The following RRAS2 variants were observed in gnomAD, a reference collection of about 807,000 sequenced individuals.
RRAS2 encodes RAS related 2, also known as ras-related protein R-Ras2.
In RRAS2, 7 loss-of-function variants were observed where a neutral mutation model predicts 27.6. That is an observed-to-expected ratio of 0.25 (90% confidence interval 0.14 to 0.48). The LOEUF (loss-of-function observed/expected upper bound fraction) is 0.48, where lower values mean the gene tolerates loss of function less well. Ranked by LOEUF, RRAS2 falls within the 20% of genes least tolerant of loss-of-function variation. The pLI is 0.99. For synonymous variants in RRAS2, 86 were observed against 90.9 expected (o/e 0.95, Z 0.31); for missense variants, 178 against 256.2 (o/e 0.69, Z 2.08).
At chr11:14,362,639 A>G (rs1215834698), upstream of RRAS2, among the ~76,000 whole-genome samples, 2 of 152,250 alleles carry the variant, frequency 1.3e-5, no homozygotes, top group South Asian at 4.1e-4. Flanking sequence ...ATGAAAAAGA[A>G]TGATCTAGAA....
At chr11:14,307,437 A>G (rs1564963885) in intron 1 of RRAS2, among the ~76,000 whole-genome samples, 2 of 152,062 alleles carry the variant, frequency 1.3e-5, no homozygotes, top group Non-Finnish European at 2.9e-5. Context: ...CCCAGGCTGG[A>G]GAGCAGTGGT....
At chr11:14,331,846 C>T (rs1174394727) in intron 1 of RRAS2, among the ~76,000 whole-genome samples, 3 of 152,082 alleles carry the variant, frequency 2.0e-5, no homozygotes, top group Non-Finnish European at 4.4e-5. Context: ...CTTTACAACT[C>T]AGTAACACAA....
rs1472351923 is a variant in RRAS2 at position 14,359,182 on chromosome 11, C to G, written c.-312G>C. On this transcript the variant is annotated 5_prime_UTR_variant, in exon 1 of 6. Transcript: ENST00000256196. ...CTCCAGCGCCGCCACAAATGGCCGTCTGGGGGCCGGGCTGCCAGGCTGAGG... is the reference window on the plus strand; with the variant it reads ...CTCCAGCGCCGCCACAAATGGCCGTGTGGGGGCCGGGCTGCCAGGCTGAGG... The G allele has an allele frequency of 3.1e-6, 3 of 980,282 alleles. No homozygotes were observed. Among genetic ancestry groups the G allele is most frequent in the East Asian group, 1.2e-4 (1 of 8,040 alleles). The allele number at this position is 980,282 out of a possible 1,614,324, so 60.7% of individuals were successfully genotyped here. A position where few individuals can be genotyped will look rare whatever the true frequency, so the allele number is the denominator to read the frequency against.
At chr11:14,316,534 G>A (rs1215648425) in intron 1 of RRAS2, among the ~76,000 whole-genome samples, 1 of 152,194 alleles carries the variant, frequency 6.6e-6, no homozygotes, top group Admixed American at 6.5e-5. Context: ...GAGCCCAGGA[G>A]TTCAAGACTG....
At chr11:14,317,799 C>T (rs1258034000) in intron 1 of RRAS2, among the ~76,000 whole-genome samples, 1 of 152,162 alleles carries the variant, frequency 6.6e-6, no homozygotes, top group African/African-American at 2.4e-5. Flanking sequence ...AGCACAGTGG[C>T]TCATACCTGT....
At position 14,359,095 on chromosome 11, in the gene RRAS2, G is replaced by T; in HGVS notation, c.-225C>A. On this transcript the variant is annotated 5_prime_UTR_variant, in exon 1 of 6. Transcript: ENST00000256196. ...GAAGCGGGGTGACGGCACGGGCCAGGGGCGGCAGCGGCCGGGGGGCGCGCT... is the reference window on the plus strand; with the variant it reads ...GAAGCGGGGTGACGGCACGGGCCAGTGGCGGCAGCGGCCGGGGGGCGCGCT... 1 of 1,072,940 alleles carries T rather than the reference G, an allele frequency of 9.3e-7. No homozygotes were observed. The highest frequency in any genetic ancestry group is 1.1e-6 in the Non-Finnish European group (1 of 887,260). The allele number at this position is 1,072,940 out of a possible 1,614,324, so 66.5% of individuals were successfully genotyped here.
intron 1 of RRAS2, among the ~76,000 whole-genome samples, chr11:14,321,619 A>C (rs1477687409): frequency 3.3e-5 from 5 of 152,198 alleles, no homozygotes; most frequent in Admixed American, 1.3e-4. Context: ...TTAATAAAGG[A>C]AATACCAGAT....
intron 1 of RRAS2, among the ~76,000 whole-genome samples, chr11:14,346,137 G>A (rs1168165988): frequency 6.6e-6 from 1 of 152,106 alleles, no homozygotes; most frequent in Non-Finnish European, 1.5e-5. Context: ...AATTATGTGT[G>A]ACATCCAGAA....
intron 1 of RRAS2, among the ~76,000 whole-genome samples, chr11:14,332,594 C>G (rs1554952069): frequency 6.6e-6 from 1 of 152,006 alleles, no homozygotes; most frequent in African/African-American, 2.4e-5. Flanking sequence ...CAAAAACATC[C>G]CAGACACAAA....
rs782245195 is a variant in RRAS2 at position 14,295,826 on chromosome 11, G to A, written c.138C>T (p.Thr46=). 8 of 1,613,050 alleles carry A rather than the reference G, an allele frequency of 5.0e-6. No individual in the cohort carries two copies. The highest frequency in any genetic ancestry group is 6.8e-6 in the Non-Finnish European group (8 of 1,179,636). The change falls in exon 2 of 6, where the codon ACC becomes ACT. Residue 46 remains threonine, a synonymous_variant. Coordinates refer to ENST00000256196, the MANE Select transcript of RRAS2 (RefSeq NM_012250.6). The part of the protein sequence containing the change: ...QSYFVTDYDP[T]IEDSYTKQCV... ...ACTGCTTTGTGTAAGAATCTTCAAT[G>A]GTTGGATCATAATCCGTTACAAAAT...
intron 1 of RRAS2, among the ~76,000 whole-genome samples, chr11:14,347,550 T>C (rs1417613088): frequency 6.6e-6 from 1 of 152,210 alleles, no homozygotes; most frequent in Non-Finnish European, 1.5e-5. Context: ...CAGGGACAGA[T>C]GGCTCACACC....
intron 1 of RRAS2, among the ~76,000 whole-genome samples, chr11:14,316,085 A>G (rs1163606300): frequency 2.0e-5 from 3 of 152,346 alleles, no homozygotes; most frequent in South Asian, 2.1e-4. Context: ...TCAGAAACCC[A>G]TAACAGGAAG....
intron 1 of RRAS2, among the ~76,000 whole-genome samples, chr11:14,332,661 C>T (rs560538316): frequency 6.6e-6 from 1 of 152,130 alleles, no homozygotes; most frequent in South Asian, 2.1e-4. Context: ...CAAAACTGAA[C>T]AATGGGAATA....
chr11:14,355,339 G>A (rs1406412206), intron 1 of RRAS2, among the ~76,000 whole-genome samples: 1 of 152,076 alleles, frequency 6.6e-6, no homozygotes, highest in Non-Finnish European at 1.5e-5. Context: ...TAACCACTCT[G>A]TACCATCCTG....
At chr11:14,292,921 C>A (rs1353566802) in intron 4 of RRAS2, among the ~76,000 whole-genome samples, 8 of 151,522 alleles carry the variant, frequency 5.3e-5, no homozygotes, top group Non-Finnish European at 1.0e-4. Flanking sequence ...TCCTGGCTAA[C>A]ATGGTGAAAC....
chr11:14,340,853 G>A (rs1363096177), intron 1 of RRAS2, among the ~76,000 whole-genome samples: 1 of 152,058 alleles, frequency 6.6e-6, no homozygotes, highest in African/African-American at 2.4e-5. Flanking sequence ...ATTATAATCT[G>A]TAAATCTAAA....
At chr11:14,351,832 T>G (rs1423583902) in intron 1 of RRAS2, among the ~76,000 whole-genome samples, 2 of 149,256 alleles carry the variant, frequency 1.3e-5, no homozygotes, top group Non-Finnish European at 3.0e-5. Context: ...GAGGCGGAGG[T>G]TGCAATGAGC....
rs150520352 is a variant in RRAS2, at chr11:14,280,432, C to T, written c.528-1008G>A. On this transcript the variant is annotated intron_variant, in intron 5 of 5. Transcript: ENST00000256196. Reference sequence around the variant, plus strand: ...CTCAGGTGTCAATTTACCTTAGATACAAAATAAATACGCAGCCCAGGTGCG... The same window carrying T: ...CTCAGGTGTCAATTTACCTTAGATATAAAATAAATACGCAGCCCAGGTGCG... Among the ~76,000 whole-genome samples, 151 of 151,974 alleles carry T rather than the reference C, an allele frequency of 9.9e-4. No homozygotes were observed. The East Asian group carries it at 0.011, about 11-fold the overall frequency.
At position 14,292,358 on chromosome 11, in the gene RRAS2, C is replaced by T. The variant is rs535276364; in HGVS notation, c.408+2113G>A. On this transcript the variant is annotated intron_variant, in intron 4 of 5. Coordinates refer to ENST00000256196, the MANE Select transcript of RRAS2 (RefSeq NM_012250.6). ...ACCATGAGAAGGTTTGAGAAAGATC[C>T]TATTTCTATATTCAGGACAGGAAGC... Among the ~76,000 whole-genome samples, 3 of 152,176 alleles carry T rather than the reference C, an allele frequency of 2.0e-5. No homozygotes were observed. In the South Asian group the frequency reaches 6.2e-4, roughly 32 times the overall value.
Sources: gnomAD v4.1 joint callset for allele counts (sites outside exome capture counted in the v4.1 genomes callset) on GRCh38, gnomAD v4.1.1 for gene constraint, MANE v1.5 for transcripts, NCBI Gene and HGNC (gene_info 2026-07-23, HGNC 2026-07-21) for gene names.